The following GABRB1 variants were observed in gnomAD, a reference collection of about 807,000 sequenced individuals.
GABRB1 encodes gamma-aminobutyric acid receptor subunit beta-1.
In GABRB1, 17 loss-of-function variants were observed where a neutral mutation model predicts 51.6. That is an observed-to-expected ratio of 0.33 (90% CI 0.23 to 0.49). The LOEUF is 0.49. Among genes scored for constraint, GABRB1 ranks in the 20% least tolerant of loss-of-function variants. The pLI is 0.99. For missense variants in GABRB1, 410 were observed against 600.6 expected, an observed-to-expected ratio of 0.68 and a Z score of 3.32; for synonymous variants, 247 against 218.9, an observed-to-expected ratio of 1.13 and a Z score of -1.14.
intron 4 of GABRB1, among the ~76,000 whole-genome samples, chr4:47,178,211 G>T (rs528016593): frequency 1.4e-4 from 22 of 152,176 alleles, no homozygotes; most frequent in African/African-American, 5.3e-4. Flanking sequence ...GAGTAGCAAA[G>T]TGCCTGTCAT....
chr4:47,180,324 G>A (rs1023640751), intron 4 of GABRB1, among the ~76,000 whole-genome samples: 1 of 151,978 alleles, frequency 6.6e-6, no homozygotes, highest in African/African-American at 2.4e-5. Context: ...ATTCTTCAAT[G>A]TAATGAGTCA....
At chr4:47,022,224 A>T (rs755099861) in intron 1 of GABRB1, among the ~76,000 whole-genome samples, 17 of 152,046 alleles carry the variant, frequency 1.1e-4, no homozygotes, top group Admixed American at 2.0e-4. Flanking sequence ...TTGTTTTCCT[A>T]TAGTAATCCT....
At chr4:47,402,103 A>G (rs898484905) in intron 5 of GABRB1, among the ~76,000 whole-genome samples, 2 of 152,230 alleles carry the variant, frequency 1.3e-5, no homozygotes, top group Non-Finnish European at 2.9e-5. Flanking sequence ...AAGTTAAGAC[A>G]GTTTTGTTTT....
At chr4:47,003,822 C>G (rs944033088) in intron 1 of GABRB1, among the ~76,000 whole-genome samples, 2 of 152,180 alleles carry the variant, frequency 1.3e-5, no homozygotes, top group Admixed American at 6.5e-5. Context: ...TTAAGAGGAA[C>G]CTTAGGTCTA....
At chr4:47,330,580 C>G (rs554428754) in intron 5 of GABRB1, among the ~76,000 whole-genome samples, 2 of 152,082 alleles carry the variant, frequency 1.3e-5, no homozygotes, top group African/African-American at 4.8e-5. Context: ...AGGAACTTCC[C>G]CTACCACAGA....
At chr4:47,084,540 G>T (rs1360790124) in intron 3 of GABRB1, among the ~76,000 whole-genome samples, 1 of 152,144 alleles carries the variant, frequency 6.6e-6, no homozygotes, top group Non-Finnish European at 1.5e-5. Flanking sequence ...AATCAGCTCA[G>T]ACATCAATAG....
chr4:47,174,575 A>C (rs1718584419), intron 4 of GABRB1, among the ~76,000 whole-genome samples: 1 of 152,172 alleles, frequency 6.6e-6, no homozygotes, highest in South Asian at 2.1e-4. Context: ...TCTCTTCAAA[A>C]ATAGTTTAAA....
intron 4 of GABRB1, among the ~76,000 whole-genome samples, chr4:47,307,131 A>G (rs2109946763): frequency 6.6e-6 from 1 of 152,272 alleles, no homozygotes; most frequent in East Asian, 1.9e-4. Context: ...AATCTTGGCC[A>G]ATCTCAGACA....
At chr4:47,209,766 AAATT>A (rs1280399638) in intron 4 of GABRB1, among the ~76,000 whole-genome samples, 3 of 151,914 alleles carry the variant, frequency 2.0e-5, no homozygotes, top group African/African-American at 7.3e-5. Context: ...GTAAATAAAT[AAATT>A]ATTTACTGAT....
chr4:47,416,325 C>A (rs910695307), intron 8 of GABRB1, among the ~76,000 whole-genome samples: 1 of 152,048 alleles, frequency 6.6e-6, no homozygotes, highest in African/African-American at 2.4e-5. Flanking sequence ...GAGGTACCCA[C>A]AGGAAGCAAA....
intron 4 of GABRB1, among the ~76,000 whole-genome samples, chr4:47,198,388 G>T (rs1057113371): frequency 1.3e-5 from 2 of 152,184 alleles, no homozygotes; most frequent in African/African-American, 4.8e-5. Flanking sequence ...GAATAATTTT[G>T]AGAAACATGA....
intron 4 of GABRB1, among the ~76,000 whole-genome samples, chr4:47,244,607 C>T (rs766974522): frequency 6.0e-4 from 91 of 152,204 alleles, no homozygotes; most frequent in Middle Eastern, 3.4e-3. Context: ...CTGGTTTAGT[C>T]TTGGGAGGGT....
intron 4 of GABRB1, among the ~76,000 whole-genome samples, chr4:47,179,161 T>C (rs1718836998): frequency 6.6e-6 from 1 of 152,084 alleles, no homozygotes; most frequent in South Asian, 2.1e-4. Context: ...TTCCCCACCC[T>C]GTGCCCATGT....
chr4:47,305,629 T>A (rs902012856), intron 4 of GABRB1, among the ~76,000 whole-genome samples: 7 of 152,240 alleles, frequency 4.6e-5, no homozygotes, highest in Admixed American at 3.9e-4. Flanking sequence ...AATGAATGTG[T>A]AATTGCAATA....
chr4:47,107,567 C>T (rs1479962449), intron 3 of GABRB1, among the ~76,000 whole-genome samples: 5 of 152,086 alleles, frequency 3.3e-5, no homozygotes, highest in African/African-American at 1.2e-4. Context: ...GGAAAATAAC[C>T]TCTCTGTGCC....
intron 4 of GABRB1, among the ~76,000 whole-genome samples, chr4:47,212,538 G>C (rs1720402345): frequency 6.6e-6 from 1 of 152,212 alleles, no homozygotes; most frequent in Admixed American, 6.5e-5. Flanking sequence ...AAGTTTGCAG[G>C]CATGGTGGCA....
rs140769039 is a variant in GABRB1, at chr4:47,387,236, T to C, written c.545-16082T>C. On this transcript the variant is annotated intron_variant, in intron 5 of 8. Coordinates refer to ENST00000295454, the MANE Select transcript of GABRB1 (RefSeq NM_000812.4). ...TCCCACTTTGGGAGGCCAAGACGGG[T>C]GGATCACCTGAGGTCAGAATTCAAG... Among the ~76,000 whole-genome samples the C allele has an allele frequency of 3.8e-3, 571 of 152,202 alleles. 6 individuals carry two copies. Among genetic ancestry groups the C allele is most frequent in the African/African-American group, 0.011 (472 of 41,510 alleles).
intron 5 of GABRB1, among the ~76,000 whole-genome samples, chr4:47,358,907 A>G (rs951906631): frequency 6.6e-6 from 1 of 152,096 alleles, no homozygotes; most frequent in Non-Finnish European, 1.5e-5. Context: ...TTTTTCAAAT[A>G]CCAGCCCTGT....
chr4:47,203,821 G>A (rs1720002752), intron 4 of GABRB1, among the ~76,000 whole-genome samples: 1 of 151,988 alleles, frequency 6.6e-6, no homozygotes, highest in Admixed American at 6.6e-5. Context: ...CTCCTGGGCA[G>A]GACAAATGTA....
Sources: gnomAD v4.1 joint callset for allele counts (sites outside exome capture counted in the v4.1 genomes callset) on GRCh38, gnomAD v4.1.1 for gene constraint, MANE v1.5 for transcripts, NCBI Gene and HGNC (gene_info 2026-07-23, HGNC 2026-07-21) for gene names.